ERCC6L2: variants seen among roughly 807,000 people sequenced by gnomAD.
ERCC6L2 encodes the protein ERCC excision repair 6 like 2.
A neutral mutation model predicts 132.0 loss-of-function variants in ERCC6L2; 77 were observed. That is an observed-to-expected ratio of 0.58 (90% CI 0.49 to 0.71). ERCC6L2 has a LOEUF of 0.71. Among genes scored for constraint, ERCC6L2 ranks in the 30% least tolerant of loss-of-function variants. The pLI is 0.00. For missense variants in ERCC6L2, 1,542 were observed against 1,837.6 expected (o/e 0.84, Z 2.94); for synonymous variants, 583 against 632.4 (o/e 0.92, Z 1.17).
In ERCC6L2 at chr9:95,979,100, T is replaced by C. The variant is rs116553190; in HGVS notation, c.3492+885T>C. Among the ~76,000 whole-genome samples, 669 of 152,306 alleles carry C rather than the reference T, an allele frequency of 4.4e-3. 9 individuals carry two copies. Among genetic ancestry groups the C allele is most frequent in the African/African-American group, 0.015 (619 of 41,564 alleles). On this transcript the variant is annotated intron_variant, in intron 17 of 18. Coordinates refer to ENST00000653738, the MANE Select transcript of ERCC6L2 (RefSeq NM_020207.7). ...GGGAGAAAGTTAGAATGCAAATGCATAGAACATAATATGTTCTACCCAGAT... is the reference window on the plus strand; with the variant it reads ...GGGAGAAAGTTAGAATGCAAATGCACAGAACATAATATGTTCTACCCAGAT...
At chr9:96,006,551 A>G (rs926358000) in intron 18 of ERCC6L2, among the ~76,000 whole-genome samples, 1 of 152,226 alleles carries the variant, frequency 6.6e-6, no homozygotes, top group Non-Finnish European at 1.5e-5. Flanking sequence ...AAGTAGCAGC[A>G]GCTGGAGGGC....
At chr9:96,032,813 C>CT (rs1451525582) in intron 19 of ERCC6L2, among the ~76,000 whole-genome samples, 2 of 152,214 alleles carry the variant, frequency 1.3e-5, no homozygotes, top group African/African-American at 4.8e-5. Flanking sequence ...GGTCCATTCC[C>CT]TTGTTTGTAG....
Sources: allele counts gnomAD v4.1 joint callset (sites outside exome capture counted in the v4.1 genomes callset), GRCh38; gene constraint gnomAD v4.1.1; transcripts MANE v1.5; gene names NCBI Gene and HGNC (gene_info 2026-07-23, HGNC 2026-07-21).